Variants in MACROD2 observed in about 807,000 individuals in gnomAD.
MACROD2 encodes ADP-ribose glycohydrolase MACROD2.
MACROD2 carries 36 observed loss-of-function variants against 70.4 expected under a neutral mutation model. The observed-to-expected ratio is 0.51, with a 90% CI of 0.39 to 0.68. MACROD2 has a LOEUF of 0.68. Among genes scored for constraint, MACROD2 ranks in the 30% least tolerant of loss-of-function variants. The pLI is 0.00. For missense variants in MACROD2, 496 were observed against 538.4 expected, an observed-to-expected ratio of 0.92 and a Z score of 0.78; for synonymous variants, 172 against 178.8, an observed-to-expected ratio of 0.96 and a Z score of 0.30.
chr20:13,995,923 C>T lies in MACROD2; in HGVS notation c.46+114C>T, dbSNP rs1168471397. ...CCCGAGCTCCCGCCTCGCGCCCTCC[C>T]GGCCGGTGCCGCCTCCCTCCGGTGT... On this transcript the variant is annotated intron_variant, in intron 1 of 17. Transcript: ENST00000684519. The surrounding 1 kb of genome is among the most constrained non-coding windows in gnomAD (Gnocchi z 4.3). 3.3e-6 allele frequency: 4 copies of T among 1,229,280 alleles called. No homozygotes were observed. Among genetic ancestry groups the T allele is most frequent in the Non-Finnish European group, 4.6e-6 (4 of 864,906 alleles). 76.1% of individuals were successfully genotyped at this position (1,229,280 alleles called of 1,614,324 possible).
In MACROD2 at chr20:14,056,855, T is replaced by C. The variant is rs573938660; in HGVS notation, c.164-28766T>C. 3.3e-5 allele frequency among the ~76,000 whole-genome samples: 5 copies of C among 152,062 alleles called. No individual in the cohort carries two copies. In the East Asian group the frequency reaches 9.7e-4, roughly 29 times the overall value. ...TTTTTTTTTTTATGTGCTTCAGCTATCATGTATTTATGATAATTTTATTAA... is the reference window on the plus strand; with the variant it reads ...TTTTTTTTTTTATGTGCTTCAGCTACCATGTATTTATGATAATTTTATTAA... On this transcript the variant is annotated intron_variant, in intron 2 of 17. Transcript: ENST00000684519.
rs528746671 is a variant in MACROD2, at chr20:14,693,480, T to A, written c.418+8521T>A. Among the ~76,000 whole-genome samples, 205 of 152,250 alleles carry A rather than the reference T, an allele frequency of 1.3e-3. 1 individual carries two copies. Among genetic ancestry groups the A allele is most frequent in the African/African-American group, 4.7e-3 (196 of 41,536 alleles). The stretch of plus-strand genomic sequence containing the variant: ...TGAGTAAAAGTGTAGATTTTTTTTC[T>A]CCCTGTGTTAAGATGTTCCTTGAGC... On this transcript the variant is annotated intron_variant, in intron 5 of 17. Coordinates refer to ENST00000684519, the MANE Select transcript of MACROD2 (RefSeq NM_001351661.2).
intron 2 of MACROD2, among the ~76,000 whole-genome samples, chr20:14,071,987 A>G (rs2053850383): frequency 6.6e-6 from 1 of 152,228 alleles, no homozygotes. Flanking sequence ...TAGTATATGT[A>G]TTGGGATATG....
At chr20:15,856,526 T>A (rs2147154949) in intron 8 of MACROD2, among the ~76,000 whole-genome samples, 1 of 152,348 alleles carries the variant, frequency 6.6e-6, no homozygotes, top group East Asian at 1.9e-4. Flanking sequence ...GTTCTAGAAC[T>A]AAGTACCCTT....
At chr20:15,523,056 G>T (rs560966631) in intron 8 of MACROD2, among the ~76,000 whole-genome samples, 16 of 152,264 alleles carry the variant, frequency 1.1e-4, no homozygotes, top group African/African-American at 3.6e-4. Flanking sequence ...AGAGGGACTG[G>T]TGTTCTTACC....
At chr20:14,655,612 C>CT (rs1985933535) in intron 4 of MACROD2, among the ~76,000 whole-genome samples, 2 of 152,068 alleles carry the variant, frequency 1.3e-5, no homozygotes, top group Non-Finnish European at 2.9e-5. Flanking sequence ...TGCTTTGAGT[C>CT]TGTTTTTAAC....
At chr20:15,131,786 A>C (rs1027628225) in intron 5 of MACROD2, among the ~76,000 whole-genome samples, 3 of 152,058 alleles carry the variant, frequency 2.0e-5, no homozygotes, top group African/African-American at 7.2e-5. Context: ...GAGGCAATCC[A>C]TGTAGAAGCT....
chr20:14,565,130 A>G (rs1979699944), intron 4 of MACROD2, among the ~76,000 whole-genome samples: 1 of 151,892 alleles, frequency 6.6e-6, no homozygotes, highest in Non-Finnish European at 1.5e-5. Flanking sequence ...AGAGCTAAAC[A>G]ATGGACATAC....
At chr20:15,227,843 T>TC (rs2076923441) in intron 5 of MACROD2, among the ~76,000 whole-genome samples, 2 of 146,120 alleles carry the variant, frequency 1.4e-5, no homozygotes, top group East Asian at 4.0e-4. Flanking sequence ...TTTTTTTTTT[T>TC]TTTTTTCAAA....
At chr20:14,985,579 A>G (rs1426129659) in intron 5 of MACROD2, among the ~76,000 whole-genome samples, 1 of 152,102 alleles carries the variant, frequency 6.6e-6, no homozygotes, top group Admixed American at 6.5e-5. Flanking sequence ...GAAACTTGTC[A>G]GGGCTCAGCT....
chr20:14,330,701 A>G (rs1215316328), intron 3 of MACROD2, among the ~76,000 whole-genome samples: 2 of 152,112 alleles, frequency 1.3e-5, no homozygotes, highest in Non-Finnish European at 2.9e-5. Flanking sequence ...TCTAGTGAAT[A>G]TTGCAAAGTG....
intron 8 of MACROD2, among the ~76,000 whole-genome samples, chr20:15,788,674 C>T (rs1228875627): frequency 2.0e-5 from 3 of 152,072 alleles, no homozygotes; most frequent in African/African-American, 7.2e-5. Context: ...AGAATGAGAA[C>T]AGAATAAATG....
intron 9 of MACROD2, among the ~76,000 whole-genome samples, chr20:15,885,398 G>C (rs932580132): frequency 6.6e-6 from 1 of 152,160 alleles, no homozygotes. Context: ...TGAGCATGCA[G>C]ACCTTTAACA....
intron 6 of MACROD2, among the ~76,000 whole-genome samples, chr20:15,260,009 G>A (rs558582335): frequency 6.6e-6 from 1 of 151,858 alleles, no homozygotes; most frequent in East Asian, 1.9e-4. Context: ...AATTATGGAT[G>A]CATAATAGTT....
intron 15 of MACROD2, among the ~76,000 whole-genome samples, chr20:16,038,417 G>T (rs1396606400): frequency 6.6e-6 from 1 of 151,622 alleles, no homozygotes; most frequent in Non-Finnish European, 1.5e-5. Flanking sequence ...GTTTTCATCT[G>T]CAATTTAGGC....
intron 5 of MACROD2, among the ~76,000 whole-genome samples, chr20:15,048,241 A>G (rs1379077378): frequency 6.6e-6 from 1 of 152,174 alleles, no homozygotes; most frequent in African/African-American, 2.4e-5. Flanking sequence ...AGATTGTGCC[A>G]CTGTACTCCA....
At chr20:15,222,832 G>GT (rs1051089645) in intron 5 of MACROD2, among the ~76,000 whole-genome samples, 2 of 152,152 alleles carry the variant, frequency 1.3e-5, no homozygotes, top group East Asian at 3.8e-4. Context: ...TTCACAGAAT[G>GT]TTTTTGCTGC....
At chr20:15,007,398 A>T (rs996956198) in intron 5 of MACROD2, among the ~76,000 whole-genome samples, 1 of 151,850 alleles carries the variant, frequency 6.6e-6, no homozygotes, top group African/African-American at 2.4e-5. Flanking sequence ...AACACAAAAA[A>T]GCCCAGGAGA....
At chr20:14,288,054 G>C (rs2082358551) in intron 3 of MACROD2, among the ~76,000 whole-genome samples, 1 of 151,896 alleles carries the variant, frequency 6.6e-6, no homozygotes, top group African/African-American at 2.4e-5. Flanking sequence ...TAAGAGGAAA[G>C]GATTATACAA....
Sources: allele counts gnomAD v4.1 joint callset (sites outside exome capture counted in the v4.1 genomes callset), GRCh38; gene constraint gnomAD v4.1.1; non-coding constraint Gnocchi (gnomAD v3.1); transcripts MANE v1.5; gene names NCBI Gene and HGNC (gene_info 2026-07-23, HGNC 2026-07-21).